PACSIN2: variants seen among roughly 807,000 people sequenced by gnomAD.
The protein encoded by PACSIN2 is protein kinase C and casein kinase substrate in neurons 2.
PACSIN2 carries 25 observed loss-of-function variants against 63.8 expected under a neutral mutation model. The ratio of observed to expected loss-of-function variants is 0.39; its 90% CI spans 0.29 to 0.55. PACSIN2 has a LOEUF of 0.55. Ranked by LOEUF, PACSIN2 falls within the 20% of genes least tolerant of loss-of-function variation. The pLI, the probability that PACSIN2 is intolerant of heterozygous loss-of-function variation, is 0.62. For missense variants in PACSIN2, 518 were observed against 646.9 expected, an observed-to-expected ratio of 0.80 and a Z score of 2.16; for synonymous variants, 255 against 256.2, an observed-to-expected ratio of 1.00 and a Z score of 0.05.
At chr22:42,931,487 G>A (rs145707016) in intron 1 of PACSIN2, among the ~76,000 whole-genome samples, 42 of 152,300 alleles carry the variant, frequency 2.8e-4, no homozygotes, top group African/African-American at 1.0e-3. Context: ...AGACAGAAGA[G>A]ACCTTAGGTG....
chr22:42,916,806 C>A (rs1601515242), intron 1 of PACSIN2, among the ~76,000 whole-genome samples: 1 of 152,290 alleles, frequency 6.6e-6, no homozygotes, highest in South Asian at 2.1e-4. Context: ...GAAGGCCCAG[C>A]AGTGACGAAG....
chr22:42,885,275 A>T (rs1405074919), intron 5 of PACSIN2, among the ~76,000 whole-genome samples: 6 of 152,162 alleles, frequency 3.9e-5, no homozygotes, highest in African/African-American at 7.2e-5. Flanking sequence ...CAATGACCTC[A>T]CACTGGTACA....
intron 1 of PACSIN2, among the ~76,000 whole-genome samples, chr22:42,981,795 C>T (rs1922170200): frequency 4.8e-5 from 6 of 125,886 alleles, no homozygotes; most frequent in South Asian, 2.7e-4. Context: ...GCCCCCCGCC[C>T]GGCCAGCCGC....
intron 1 of PACSIN2, among the ~76,000 whole-genome samples, chr22:42,984,616 A>C (rs991891730): frequency 6.6e-6 from 1 of 152,166 alleles, no homozygotes; most frequent in Non-Finnish European, 1.5e-5. Context: ...TGGTGCAAAA[A>C]CTACTCCCTT....
intron 1 of PACSIN2, among the ~76,000 whole-genome samples, chr22:43,012,673 C>A (rs1003458860): frequency 6.7e-6 from 1 of 148,740 alleles, no homozygotes; most frequent in African/African-American, 2.5e-5. Context: ...TTTTTTGAAA[C>A]AGGAGTTTTG....
At chr22:42,984,542 G>C (rs2267482) in intron 1 of PACSIN2, among the ~76,000 whole-genome samples, 93,779 of 151,962 alleles carry the variant, frequency 0.62, 29,709 homozygotes, top group East Asian at 0.81. Context: ...GAGAAAAGCA[G>C]GACTGTGATC....
At chr22:42,889,986 G>A (rs1056416886) in intron 4 of PACSIN2, among the ~76,000 whole-genome samples, 1 of 149,720 alleles carries the variant, frequency 6.7e-6, no homozygotes, top group African/African-American at 2.5e-5. Flanking sequence ...TACTGCACAC[G>A]CAGAGCAGCC....
intron 5 of PACSIN2, among the ~76,000 whole-genome samples, chr22:42,886,589 CA>C (rs904519270): frequency 3.4e-4 from 51 of 152,160 alleles, no homozygotes; most frequent in African/African-American, 1.2e-3. Flanking sequence ...CCTCAGCCTC[CA>C]AAGTAGCTGG....
intron 1 of PACSIN2, among the ~76,000 whole-genome samples, chr22:42,927,168 C>A (rs1932591098): frequency 6.6e-6 from 1 of 152,216 alleles, no homozygotes; most frequent in African/African-American, 2.4e-5. Flanking sequence ...ACTGTCCTTG[C>A]AGCCAACAAG....
chr22:42,905,331 G>A (rs1248088940), intron 2 of PACSIN2, among the ~76,000 whole-genome samples: 1 of 152,266 alleles, frequency 6.6e-6, no homozygotes, highest in Non-Finnish European at 1.5e-5. Flanking sequence ...GCGTGTGGCT[G>A]CAGAAACGGT....
At chr22:42,989,220 G>A (rs1223509775) in intron 1 of PACSIN2, among the ~76,000 whole-genome samples, 5 of 152,142 alleles carry the variant, frequency 3.3e-5, no homozygotes, top group Non-Finnish European at 1.5e-5. Flanking sequence ...ATTCTCGGCC[G>A]GGCGCAGTGG....
chr22:42,919,204 C>A (rs1483475103), intron 1 of PACSIN2, among the ~76,000 whole-genome samples: 1 of 152,110 alleles, frequency 6.6e-6, no homozygotes, highest in African/African-American at 2.4e-5. Context: ...GATATTGAGT[C>A]GAAAATGAGT....
chr22:42,890,977 T>G lies in PACSIN2; in HGVS notation c.423A>C (p.Ala141=), dbSNP rs1181102469. The G allele has an allele frequency of 6.2e-7, 1 of 1,614,144 alleles. No homozygotes were observed. Among genetic ancestry groups the G allele is most frequent in the Non-Finnish European group, 8.5e-7 (1 of 1,180,010 alleles). The change falls in exon 4 of 11, where the codon GCA becomes GCC. Residue 141 remains alanine (A), a synonymous_variant. Coordinates refer to ENST00000263246, the MANE Select transcript of PACSIN2 (RefSeq NM_001184970.3). ...TKEAEDGFRK[A]QKPWAKKLKE... ...TCAGCTTCTTGGCCCAGGGCTTCTGTGCCTTCCGAAAGCCGTCCTCAGCTT... is the reference window on the plus strand; with the variant it reads ...TCAGCTTCTTGGCCCAGGGCTTCTGGGCCTTCCGAAAGCCGTCCTCAGCTT...
rs149976125 is a variant in PACSIN2 at position 42,905,055 on chromosome 22, T to A, written c.60+6966A>T. ...TTTTAAAAAGTTATTCTGACATCACTGAGATCAAATAAGAAAATAAAATTT... is the reference window on the plus strand; with the variant it reads ...TTTTAAAAAGTTATTCTGACATCACAGAGATCAAATAAGAAAATAAAATTT... On this transcript the variant is annotated intron_variant, in intron 2 of 10. Coordinates refer to ENST00000263246, the MANE Select transcript of PACSIN2 (RefSeq NM_001184970.3). Among the ~76,000 whole-genome samples, 272 of 152,332 alleles carry A rather than the reference T, an allele frequency of 1.8e-3. 1 individual carries two copies. The highest frequency in any genetic ancestry group is 6.2e-3 in the African/African-American group (257 of 41,568).
chr22:42,977,008 T>C (rs1440582240), intron 1 of PACSIN2, among the ~76,000 whole-genome samples: 1 of 152,230 alleles, frequency 6.6e-6, no homozygotes, highest in Non-Finnish European at 1.5e-5. Flanking sequence ...ATTAATCTTT[T>C]AATACACTAC....
chr22:42,884,586 CAG>C (rs1929341011), intron 5 of PACSIN2, 25 bp from the exon 6 acceptor site: 1 of 1,603,510 alleles, frequency 6.2e-7, no homozygotes, highest in Non-Finnish European at 8.5e-7. Flanking sequence ...AGGCACAAGA[CAG>C]AGGTTCATTT....
intron 2 of PACSIN2, among the ~76,000 whole-genome samples, chr22:42,899,506 C>T (rs1197784147): frequency 1.3e-5 from 2 of 152,114 alleles, no homozygotes; most frequent in African/African-American, 2.4e-5. Context: ...GGCAGCTCTA[C>T]GCCTGTGGAC....
At chr22:42,945,905 C>G (rs558629118) in intron 1 of PACSIN2, 4 of 153,022 alleles carry the variant, frequency 2.6e-5, no homozygotes, top group African/African-American at 9.7e-5. Context: ...AACTCCTCCC[C>G]CTACTTCCTC....
intron 1 of PACSIN2, among the ~76,000 whole-genome samples, chr22:42,918,773 T>G (rs974482778): frequency 1.3e-5 from 2 of 152,232 alleles, no homozygotes; most frequent in Non-Finnish European, 2.9e-5. Flanking sequence ...GGCTTCCACA[T>G]TGACCCTGAT....
Sources: allele counts gnomAD v4.1 joint callset (sites outside exome capture counted in the v4.1 genomes callset), GRCh38; gene constraint gnomAD v4.1.1; transcripts MANE v1.5; gene names NCBI Gene and HGNC (gene_info 2026-07-23, HGNC 2026-07-21).